Variants in CACNA1C observed in about 807,000 individuals in gnomAD.
CACNA1C encodes the protein calcium voltage-gated channel subunit alpha1 C.
Under a neutral mutation model 229.0 loss-of-function variants are expected in CACNA1C, and 30 were observed. The ratio of observed to expected loss-of-function variants is 0.13; its 90% CI spans 0.10 to 0.18. CACNA1C has a LOEUF of 0.18. Ranked by LOEUF, CACNA1C falls within the 10% of genes least tolerant of loss-of-function variation. The pLI is 1.00. For missense variants in CACNA1C, 1,658 were observed against 2,845.0 expected (o/e 0.58, Z 9.49); for synonymous variants, 1,114 against 1,132.5 (o/e 0.98, Z 0.33).
intron 8 of CACNA1C, among the ~76,000 whole-genome samples, chr12:2,509,944 G>A (rs2283320): frequency 0.047 from 7,136 of 152,262 alleles, 182 homozygotes; most frequent in South Asian, 0.1. Flanking sequence ...TGTAGATGTG[G>A]GATCCACAAA....
At chr12:2,628,723 A>G (rs2088595526) in intron 29 of CACNA1C, among the ~76,000 whole-genome samples, 1 of 144,978 alleles carries the variant, frequency 6.9e-6, no homozygotes, top group Non-Finnish European at 1.5e-5. Flanking sequence ...CCTGGGCAAC[A>G]TAGCAAGACC....
At chr12:2,125,802 A>C (rs2089768037) in intron 3 of CACNA1C, among the ~76,000 whole-genome samples, 1 of 152,190 alleles carries the variant, frequency 6.6e-6, no homozygotes, top group Non-Finnish European at 1.5e-5. Flanking sequence ...CTCCGCAATC[A>C]GCTCTGTCTA....
Position 2,679,943 on chromosome 12 carries a change from G to A in CACNA1C, c.5444+147G>A. 1.5e-6 allele frequency: 1 copy of A among 648,302 alleles called. No individual in the cohort carries two copies. Among genetic ancestry groups the A allele is most frequent in the Admixed American group, 2.9e-5 (1 of 34,292 alleles). 40.2% of individuals were successfully genotyped at this position (648,302 alleles called of 1,614,324 possible). On this transcript the variant is annotated intron_variant, in intron 42 of 46. Coordinates refer to ENST00000399655, the MANE Select transcript of CACNA1C (RefSeq NM_000719.7). The surrounding 1 kb of genome is among the most constrained non-coding windows in gnomAD (Gnocchi z 5.5). Reference sequence around the variant, plus strand: ...CTGCCCCAGACTCCAGCAAGAGCAGGAGGCACTATGCTGTCTCCCAAGTCC... The same window carrying A: ...CTGCCCCAGACTCCAGCAAGAGCAGAAGGCACTATGCTGTCTCCCAAGTCC...
At chr12:2,002,858 T>C (rs2042486333) in intron 1 of CACNA1C, among the ~76,000 whole-genome samples, 1 of 152,180 alleles carries the variant, frequency 6.6e-6, no homozygotes, top group African/African-American at 2.4e-5. Context: ...CTGTCTATGT[T>C]GCTCAATGTT....
chr12:2,411,188 C>T (rs2098803553), intron 3 of CACNA1C, among the ~76,000 whole-genome samples: 1 of 152,124 alleles, frequency 6.6e-6, no homozygotes, highest in African/African-American at 2.4e-5. Context: ...GGAGCCTCAC[C>T]ACTCGAGCGG....
At position 2,136,027 on chromosome 12, in the gene CACNA1C, C is replaced by A. The variant is rs555317878; in HGVS notation, c.477+15597C>A. Reference sequence around the variant, plus strand: ...TCTCGTGGTGCGCCGTTTTTTAAGCCGGTCTGAAAAGCGCAATATTCGGGT... The same window carrying A: ...TCTCGTGGTGCGCCGTTTTTTAAGCAGGTCTGAAAAGCGCAATATTCGGGT... On this transcript the variant is annotated intron_variant, in intron 3 of 46. Transcript: ENST00000399655. Among the ~76,000 whole-genome samples, 19 of 150,690 alleles carry A rather than the reference C, an allele frequency of 1.3e-4. 1 individual carries two copies. The highest frequency in any genetic ancestry group is 4.6e-4 in the African/African-American group (19 of 41,092).
intron 9 of CACNA1C, among the ~76,000 whole-genome samples, chr12:2,536,578 C>T (rs1045532553): frequency 3.9e-5 from 6 of 152,164 alleles, no homozygotes; most frequent in African/African-American, 1.4e-4. Flanking sequence ...CCTGTAATCC[C>T]AACATTTTGG....
intron 3 of CACNA1C, among the ~76,000 whole-genome samples, chr12:2,444,522 A>T (rs919525523): frequency 2.0e-5 from 3 of 151,006 alleles, no homozygotes; most frequent in Non-Finnish European, 4.4e-5. Context: ...TAGTCTGCAC[A>T]CTCTCCTCGT....
At position 2,512,790 on chromosome 12, in the gene CACNA1C, C is replaced by A. The variant is rs1371426736; in HGVS notation, c.1218-22C>A. The A allele has an allele frequency of 2.5e-6, 4 of 1,592,366 alleles. No individual in the cohort carries two copies. The highest frequency in any genetic ancestry group is 2.3e-5 in the South Asian group (2 of 86,668). On this transcript the variant is annotated intron_variant, in intron 8 of 46. Transcript: ENST00000399655. The surrounding 1 kb of genome is among the most constrained non-coding windows in gnomAD (Gnocchi z 4.3). ...TCCTTCTCTGTGCTCTCCTGCCCTG[C>A]CCCTCCTCTCACTCTCACCAGAGAG...
At chr12:2,324,426 GTTT>G in intron 3 of CACNA1C, among the ~76,000 whole-genome samples, 1 of 152,256 alleles carries the variant, frequency 6.6e-6, no homozygotes, top group Non-Finnish European at 1.5e-5. Context: ...TGGCACCTGA[GTTT>G]GTGCCCAGAT....
chr12:2,469,156 G>GTA (rs1001906845), intron 5 of CACNA1C, among the ~76,000 whole-genome samples: 4 of 152,040 alleles, frequency 2.6e-5, no homozygotes, highest in African/African-American at 4.8e-5. Context: ...AAACTTGTTG[G>GTA]TATATATATA....
At chr12:2,385,900 C>T (rs894805917) in intron 3 of CACNA1C, among the ~76,000 whole-genome samples, 25 of 152,142 alleles carry the variant, frequency 1.6e-4, no homozygotes, top group African/African-American at 5.8e-4. Flanking sequence ...GGAACCAGCC[C>T]CAGCGACTCA....
chr12:2,341,778 G>T (rs777088112), intron 3 of CACNA1C, among the ~76,000 whole-genome samples: 1 of 152,210 alleles, frequency 6.6e-6, no homozygotes, highest in Non-Finnish European at 1.5e-5. Context: ...TAACTGACTG[G>T]TTGATAAGGA....
At chr12:2,158,893 C>T (rs1222375691) in intron 3 of CACNA1C, among the ~76,000 whole-genome samples, 3 of 151,974 alleles carry the variant, frequency 2.0e-5, no homozygotes, top group African/African-American at 7.3e-5. Flanking sequence ...GAGAGGGGGC[C>T]CTTCATAGTC....
At chr12:2,089,643 G>T (rs573414130) in intron 1 of CACNA1C, among the ~76,000 whole-genome samples, 1 of 152,160 alleles carries the variant, frequency 6.6e-6, no homozygotes, top group South Asian at 2.1e-4. Context: ...TAAAAAGTAC[G>T]TAACACAGTT....
intron 8 of CACNA1C, among the ~76,000 whole-genome samples, chr12:2,508,486 C>CA (rs1320784152): frequency 6.6e-6 from 1 of 152,144 alleles, no homozygotes; most frequent in African/African-American, 2.4e-5. Context: ...CCTTTCTCTA[C>CA]AAAGAAAATA....
intron 1 of CACNA1C, among the ~76,000 whole-genome samples, chr12:2,046,214 G>A (rs192531132): frequency 2.0e-5 from 3 of 152,180 alleles, no homozygotes; most frequent in African/African-American, 4.8e-5. Context: ...GGAACGGCTC[G>A]CACTTTGTGA....
intron 3 of CACNA1C, among the ~76,000 whole-genome samples, chr12:2,294,875 C>T (rs2093883090): frequency 6.6e-6 from 1 of 152,070 alleles, no homozygotes; most frequent in Non-Finnish European, 1.5e-5. Flanking sequence ...TCTGTGTGCA[C>T]ATGGTGCTCA....
At chr12:2,177,611 T>A (rs1377200029) in intron 3 of CACNA1C, among the ~76,000 whole-genome samples, 2 of 108,424 alleles carry the variant, frequency 1.8e-5, no homozygotes, top group Non-Finnish European at 3.8e-5. Context: ...CTTCCTTCCT[T>A]CCTTCCTTCC....
Sources: gnomAD v4.1 joint callset for allele counts (sites outside exome capture counted in the v4.1 genomes callset) on GRCh38, gnomAD v4.1.1 for gene constraint, Gnocchi (gnomAD v3.1) non-coding constraint, MANE v1.5 for transcripts, NCBI Gene and HGNC (gene_info 2026-07-23, HGNC 2026-07-21) for gene names.